BBS9: variants seen among roughly 807,000 people sequenced by gnomAD.
The protein encoded by BBS9 is Bardet-Biedl syndrome 9.
In BBS9, 89 loss-of-function variants were observed where a neutral mutation model predicts 117.7. The ratio of observed to expected loss-of-function variants is 0.76; its 90% confidence interval spans 0.64 to 0.90. The LOEUF (loss-of-function observed/expected upper bound fraction) is 0.90, where lower values mean the gene tolerates loss of function less well. BBS9 is among the 40% of genes least tolerant of loss of function. The pLI is 0.00. For synonymous variants in BBS9, 379 were observed against 370.9 expected (o/e 1.02, Z -0.25); for missense variants, 982 against 1,042.2 (o/e 0.94, Z 0.80).
intron 16 of BBS9, among the ~76,000 whole-genome samples, chr7:33,365,299 C>T (rs887449974): frequency 6.6e-6 from 1 of 152,168 alleles, no homozygotes; most frequent in Non-Finnish European, 1.5e-5. Flanking sequence ...CTTTTTCCAA[C>T]TTCGTGTGCT....
At chr7:33,149,329 G>A (rs1308788830) in intron 2 of BBS9, among the ~76,000 whole-genome samples, 1 of 152,176 alleles carries the variant, frequency 6.6e-6, no homozygotes, top group East Asian at 1.9e-4. Flanking sequence ...AGGTCAAGTT[G>A]GGAGGTTGAA....
intron 19 of BBS9, among the ~76,000 whole-genome samples, chr7:33,407,766 A>G (rs1830312014): frequency 6.6e-6 from 1 of 152,148 alleles, no homozygotes; most frequent in African/African-American, 2.4e-5. Flanking sequence ...GTGATCCGCC[A>G]ATGCTGCTGT....
At chr7:33,288,088 G>C (rs948291604) in intron 9 of BBS9, among the ~76,000 whole-genome samples, 2 of 152,158 alleles carry the variant, frequency 1.3e-5, no homozygotes, top group African/African-American at 4.8e-5. Flanking sequence ...AAAGCAATAT[G>C]GATTAACTCA....
rs376750512 is a variant in BBS9, at chr7:33,389,002, G to T, written c.2115+858G>T. On this transcript the variant is annotated intron_variant, in intron 19 of 22. Transcript: ENST00000242067. ...TTTCTGTGCAGTTGTAACAAATAAT[G>T]CAGAGAGATCTCATGTCTCCTTTAA... is the stretch of plus-strand genomic sequence containing the variant. Among the ~76,000 whole-genome samples, 16 of 152,278 alleles carry T rather than the reference G, an allele frequency of 1.1e-4. No homozygotes were observed. The South Asian group carries it at 1.5e-3, about 14-fold the overall frequency.
chr7:33,401,687 C>G (rs565123786), intron 19 of BBS9, among the ~76,000 whole-genome samples: 5 of 152,108 alleles, frequency 3.3e-5, no homozygotes, highest in Non-Finnish European at 7.4e-5. Context: ...ACAAGAGATC[C>G]TGGAGACCAA....
intron 9 of BBS9, among the ~76,000 whole-genome samples, chr7:33,297,059 GACATGAAAGGGAAA>G (rs1805420885): frequency 6.6e-6 from 1 of 152,110 alleles, no homozygotes; most frequent in Non-Finnish European, 1.5e-5. Flanking sequence ...AGTCATTGTT[GACATGAAAGGGAAA>G]ACATTCTGAT....
rs1167879309 is a variant in BBS9 at position 33,590,464 on chromosome 7, T to TTTGTTTTTG, written c.2522-14399_2522-14398insGTTTTTGTT. On this transcript the variant is annotated intron_variant, in intron 21 of 22. Coordinates refer to ENST00000242067, the MANE Select transcript of BBS9 (RefSeq NM_198428.3). ...GTTTGTTTTTTTGTTTTTTTGTTTT[T>TTTGTTTTTG]TTTTTTTTTTTTTACCAGATCAGAC... is the stretch of plus-strand genomic sequence containing the variant. Among the ~76,000 whole-genome samples the TTTGTTTTTG allele has an allele frequency of 2.0e-5, 3 of 147,036 alleles. 1 individual carries two copies. The highest frequency in any genetic ancestry group is 7.5e-5 in the African/African-American group (3 of 40,040).
At chr7:33,592,934 C>T (rs902445005) in intron 21 of BBS9, among the ~76,000 whole-genome samples, 2 of 152,064 alleles carry the variant, frequency 1.3e-5, no homozygotes, top group Admixed American at 6.6e-5. Context: ...ATTATTATTG[C>T]AGAACCATTG....
intron 19 of BBS9, among the ~76,000 whole-genome samples, chr7:33,390,939 A>G (rs1563107801): frequency 6.6e-6 from 1 of 152,114 alleles, no homozygotes; most frequent in Non-Finnish European, 1.5e-5. Flanking sequence ...AACTCTTTGC[A>G]TATTAGTGCA....
At chr7:33,394,537 C>G (rs1157980012) in intron 19 of BBS9, among the ~76,000 whole-genome samples, 1 of 152,032 alleles carries the variant, frequency 6.6e-6, no homozygotes. Context: ...TGCACATGTA[C>G]CCCTGAACTT....
intron 9 of BBS9, among the ~76,000 whole-genome samples, chr7:33,283,563 C>T (rs1174953527): frequency 3.3e-5 from 5 of 151,946 alleles, no homozygotes; most frequent in Admixed American, 1.3e-4. Context: ...CTTTTGAGTT[C>T]TCCAAACAAT....
chr7:33,179,598 C>T (rs1016347961), intron 5 of BBS9, among the ~76,000 whole-genome samples: 1 of 151,774 alleles, frequency 6.6e-6, no homozygotes, highest in African/African-American at 2.4e-5. Context: ...CATCTAGTTG[C>T]AGGAAAACAA....
At chr7:33,564,633 A>G (rs1393676009) in intron 21 of BBS9, among the ~76,000 whole-genome samples, 4 of 152,194 alleles carry the variant, frequency 2.6e-5, no homozygotes, top group Non-Finnish European at 1.5e-5. Context: ...ATGTTCTGAA[A>G]CTGCGATAGA....
chr7:33,568,955 C>G lies in BBS9; in HGVS notation c.2521+34779C>G, dbSNP rs141290189. Reference sequence around the variant, plus strand: ...CAAGATAAAAAGGATAAGGAGGGTGCAATTCTTTTCTGAGAAGCTCTTTGT... The same window carrying G: ...CAAGATAAAAAGGATAAGGAGGGTGGAATTCTTTTCTGAGAAGCTCTTTGT... On this transcript the variant is annotated intron_variant, in intron 21 of 22. Transcript: ENST00000242067. 3.7e-3 allele frequency among the ~76,000 whole-genome samples: 557 copies of G among 152,194 alleles called. 4 individuals carry two copies. Among genetic ancestry groups the G allele is most frequent in the African/African-American group, 0.012 (519 of 41,536 alleles).
chr7:33,495,009 G>A (rs1844518442), intron 19 of BBS9, among the ~76,000 whole-genome samples: 1 of 152,180 alleles, frequency 6.6e-6, no homozygotes. Context: ...CCAGATAGTA[G>A]TGGTGTAACT....
Position 33,506,514 on chromosome 7 carries a change from C to T in BBS9, c.2298+869C>T, listed in dbSNP as rs146415625. Among the ~76,000 whole-genome samples the T allele has an allele frequency of 5.0e-3, 760 of 152,274 alleles. 9 individuals are homozygous for T. Among genetic ancestry groups the T allele is most frequent in the Non-Finnish European group, 6.4e-3 (436 of 68,014 alleles). On this transcript the variant is annotated intron_variant, in intron 20 of 22. Transcript: ENST00000242067. ...TTTGTAAGAATTATTTACTCTTAAA[C>T]ATGGGCCAGTGAGGTAGTTAAAGTA...
intron 19 of BBS9, among the ~76,000 whole-genome samples, chr7:33,493,916 A>G (rs558099171): frequency 1.3e-5 from 2 of 152,316 alleles, no homozygotes; most frequent in African/African-American, 4.8e-5. Flanking sequence ...TCTAATATCT[A>G]TAATGCTGAC....
intron 20 of BBS9, among the ~76,000 whole-genome samples, chr7:33,512,774 A>G (rs1017584110): frequency 6.6e-6 from 1 of 152,172 alleles, no homozygotes; most frequent in Non-Finnish European, 1.5e-5. Flanking sequence ...GCTGTGGACC[A>G]CAACATGTGG....
intron 19 of BBS9, among the ~76,000 whole-genome samples, chr7:33,393,719 C>T (rs560502388): frequency 2.6e-5 from 4 of 152,220 alleles, no homozygotes; most frequent in African/African-American, 9.6e-5. Context: ...TTGGGACAAA[C>T]ATATTGGTTA....
Sources: allele counts gnomAD v4.1 joint callset (sites outside exome capture counted in the v4.1 genomes callset), GRCh38; gene constraint gnomAD v4.1.1; transcripts MANE v1.5; gene names NCBI Gene and HGNC (gene_info 2026-07-23, HGNC 2026-07-21).